The following FGF10 variants were observed in gnomAD, a reference collection of about 807,000 sequenced individuals.
FGF10 encodes FGF-10.
In FGF10, 2 loss-of-function variants were observed where a neutral mutation model predicts 19.8. The observed-to-expected ratio is 0.10, with a 90% CI of 0.04 to 0.32. The LOEUF (loss-of-function observed/expected upper bound fraction) is 0.32, where lower values mean the gene tolerates loss of function less well. Ranked by LOEUF, FGF10 falls within the 10% of genes least tolerant of loss-of-function variation. The probability of loss-of-function intolerance (pLI) is 1.00; values close to 1 mark genes in which losing one functional copy is unlikely to be tolerated. For missense variants in FGF10, 191 were observed against 246.3 expected, an observed-to-expected ratio of 0.78 and a Z score of 1.50; for synonymous variants, 112 against 94.0, an observed-to-expected ratio of 1.19 and a Z score of -1.10.
At chr5:44,323,147 A>T (rs918202616) in intron 1 of FGF10, among the ~76,000 whole-genome samples, 1 of 152,300 alleles carries the variant, frequency 6.6e-6, no homozygotes, top group African/African-American at 2.4e-5. Flanking sequence ...CTTTATCCCT[A>T]AAGTCCATGG....
intron 1 of FGF10, among the ~76,000 whole-genome samples, chr5:44,373,669 T>C (rs1741792882): frequency 1.3e-5 from 2 of 152,120 alleles, no homozygotes; most frequent in South Asian, 4.1e-4. Flanking sequence ...AAAAGCACTG[T>C]TAATATTAAT....
intron 1 of FGF10, among the ~76,000 whole-genome samples, chr5:44,335,403 A>G (rs1740824162): frequency 6.6e-6 from 1 of 152,050 alleles, no homozygotes; most frequent in Admixed American, 6.6e-5. Context: ...TCTACTTAGT[A>G]TGTATCTTAG....
chr5:44,352,104 G>T (rs1390799326), intron 1 of FGF10, among the ~76,000 whole-genome samples: 1 of 151,530 alleles, frequency 6.6e-6, no homozygotes, highest in Non-Finnish European at 1.5e-5. Flanking sequence ...CATGAAAGAG[G>T]AGCACATTTG....
At chr5:44,343,863 A>G (rs1000058715) in intron 1 of FGF10, among the ~76,000 whole-genome samples, 2 of 152,008 alleles carry the variant, frequency 1.3e-5, no homozygotes, top group African/African-American at 4.8e-5. Flanking sequence ...TAATTTTAGT[A>G]TACAAAGTGA....
intron 2 of FGF10, among the ~76,000 whole-genome samples, chr5:44,306,640 C>T (rs1023966186): frequency 8.5e-5 from 13 of 152,098 alleles, no homozygotes; most frequent in Admixed American, 6.5e-4. Flanking sequence ...TGTTTATATA[C>T]CTAGGTGTCT....
intron 1 of FGF10, among the ~76,000 whole-genome samples, chr5:44,313,108 TTTAG>T (rs1257792793): frequency 2.0e-5 from 3 of 152,204 alleles, no homozygotes; most frequent in East Asian, 3.9e-4. Flanking sequence ...TATATTATTA[TTTAG>T]TTATTGTTTC....
chr5:44,322,934 C>T lies in FGF10; in HGVS notation c.326-12404G>A, dbSNP rs191199217. Among the ~76,000 whole-genome samples the T allele has an allele frequency of 6.6e-5, 10 of 152,144 alleles. No homozygotes were observed. The East Asian group carries it at 1.2e-3, about 18-fold the overall frequency. ...ATCCCCCTGACACCATCTCCTTCAC[C>T]GGTCCATGGAAACATTGTCTTCCAC... On this transcript the variant is annotated intron_variant, in intron 1 of 2. Transcript: ENST00000264664.
intron 1 of FGF10, among the ~76,000 whole-genome samples, chr5:44,352,840 A>G (rs1741265276): frequency 6.6e-6 from 1 of 151,598 alleles, no homozygotes; most frequent in Admixed American, 6.6e-5. Context: ...TGAGATTTGA[A>G]CGAGTTAATT....
rs531668358 is a variant in FGF10 at position 44,353,384 on chromosome 5, A to G, written c.325+34974T>C. 2.6e-5 allele frequency among the ~76,000 whole-genome samples: 4 copies of G among 151,620 alleles called. No homozygotes were observed. The South Asian group carries it at 6.2e-4, about 24-fold the overall frequency. ...TTTCTTTACATTTCAATAAGCTTGG[A>G]GCTAAATGTTATGATTTATAGCAAT... On this transcript the variant is annotated intron_variant, in intron 1 of 2. Coordinates refer to ENST00000264664, the MANE Select transcript of FGF10 (RefSeq NM_004465.2).
At chr5:44,374,690 G>T (rs1293729961) in intron 1 of FGF10, among the ~76,000 whole-genome samples, 1 of 151,954 alleles carries the variant, frequency 6.6e-6, no homozygotes, top group Non-Finnish European at 1.5e-5. Context: ...TAATTACTAA[G>T]AATTGCTCAT....
intron 1 of FGF10, among the ~76,000 whole-genome samples, chr5:44,352,344 A>T (rs1389620524): frequency 2.0e-5 from 3 of 151,580 alleles, no homozygotes; most frequent in Non-Finnish European, 3.0e-5. Context: ...CTGGCCCTTC[A>T]TACCTCTAAA....
At chr5:44,312,160 C>G (rs533989728) in intron 1 of FGF10, among the ~76,000 whole-genome samples, 1 of 151,640 alleles carries the variant, frequency 6.6e-6, no homozygotes, top group Non-Finnish European at 1.5e-5. Context: ...TGTTTTTTTA[C>G]ATCCATTTCC....
At chr5:44,308,799 G>A (rs1216734835) in intron 2 of FGF10, among the ~76,000 whole-genome samples, 1 of 152,116 alleles carries the variant, frequency 6.6e-6, no homozygotes, top group African/African-American at 2.4e-5. Context: ...TCTACATCCA[G>A]ACCAGCGGTT....
At chr5:44,341,354 C>G (rs1326675301) in intron 1 of FGF10, among the ~76,000 whole-genome samples, 2 of 151,820 alleles carry the variant, frequency 1.3e-5, no homozygotes, top group African/African-American at 4.8e-5. Flanking sequence ...AAAAACTACA[C>G]CACTCCGTTA....
intron 1 of FGF10, among the ~76,000 whole-genome samples, chr5:44,340,873 T>G (rs16873983): frequency 0.28 from 42,023 of 148,766 alleles, 6,201 homozygotes; most frequent in Admixed American, 0.4. Flanking sequence ...AAAGAAAGAA[T>G]CAATCCAAGG....
chr5:44,334,734 G>A (rs1740808448), intron 1 of FGF10, among the ~76,000 whole-genome samples: 1 of 152,120 alleles, frequency 6.6e-6, no homozygotes, highest in Non-Finnish European at 1.5e-5. Flanking sequence ...CTAAAAAAAT[G>A]ATACTATTGC....
In FGF10 at chr5:44,389,109, GA is replaced by G; in HGVS notation, c.-428del. On this transcript the variant is annotated 5_prime_UTR_variant, in exon 1 of 3. Coordinates refer to ENST00000264664, the MANE Select transcript of FGF10 (RefSeq NM_004465.2). ...CAAAACCCAAGGGAGGTGGGGTGGG[GA>G]ATAGGGGGAGATATCTGCACCCCTC... 1 of 301,654 alleles carries G rather than the reference GA, an allele frequency of 3.3e-6. No homozygotes were observed. The allele number at this position is 301,654 out of a possible 1,614,324, so 18.7% of individuals were successfully genotyped here. A position where few individuals can be genotyped will look rare whatever the true frequency, so the allele number is the denominator to read the frequency against.
chr5:44,368,683 T>G (rs931854563), intron 1 of FGF10, among the ~76,000 whole-genome samples: 10 of 152,092 alleles, frequency 6.6e-5, no homozygotes, highest in Admixed American at 5.9e-4. Context: ...GTTGTTTTGT[T>G]TTTTTGAGAC....
chr5:44,377,783 C>G (rs930119989), intron 1 of FGF10, among the ~76,000 whole-genome samples: 1 of 152,078 alleles, frequency 6.6e-6, no homozygotes, highest in Non-Finnish European at 1.5e-5. Flanking sequence ...GGATGGGACC[C>G]AAGTCTAAAC....
Sources: gnomAD v4.1 joint callset for allele counts (sites outside exome capture counted in the v4.1 genomes callset) on GRCh38, gnomAD v4.1.1 for gene constraint, MANE v1.5 for transcripts, NCBI Gene and HGNC (gene_info 2026-07-23, HGNC 2026-07-21) for gene names.